NPAS3: variants seen among roughly 807,000 people sequenced by gnomAD.
NPAS3 encodes the protein neuronal PAS domain-containing protein 3.
Under a neutral mutation model 73.1 loss-of-function variants are expected in NPAS3, and 14 were observed. The ratio of observed to expected loss-of-function variants is 0.19; its 90% CI spans 0.13 to 0.30. NPAS3 has a LOEUF of 0.30. Ranked by LOEUF, NPAS3 falls within the 10% of genes least tolerant of loss-of-function variation. The probability of loss-of-function intolerance (pLI) is 1.00; values close to 1 mark genes in which losing one functional copy is unlikely to be tolerated. For missense variants in NPAS3, 1,096 were observed against 1,250.0 expected (o/e 0.88, Z 1.86); for synonymous variants, 620 against 541.5 (o/e 1.14, Z -2.01).
intron 4 of NPAS3, among the ~76,000 whole-genome samples, chr14:33,403,354 A>AT (rs1324751669): frequency 2.0e-5 from 3 of 152,024 alleles, no homozygotes; most frequent in Non-Finnish European, 2.9e-5. Flanking sequence ...CTTGTGGTAT[A>AT]TTTTTTTATA....
intron 5 of NPAS3, among the ~76,000 whole-genome samples, chr14:33,587,625 ACT>A: frequency 6.6e-6 from 1 of 152,178 alleles, no homozygotes; most frequent in Middle Eastern, 3.4e-3. Flanking sequence ...CATCAAAGAA[ACT>A]CTGGTTTATT....
chr14:33,674,424 CCAT>C, intron 5 of NPAS3, among the ~76,000 whole-genome samples: 1 of 152,332 alleles, frequency 6.6e-6, no homozygotes, highest in Non-Finnish European at 1.5e-5. Flanking sequence ...AACAAAATAA[CCAT>C]CATCAAGAAA....
chr14:33,168,776 T>C (rs1198201084), intron 2 of NPAS3, among the ~76,000 whole-genome samples: 2 of 152,204 alleles, frequency 1.3e-5, no homozygotes, highest in African/African-American at 4.8e-5. Context: ...GCCATTCACG[T>C]TGGCCTTCCT....
chr14:32,951,262 T>A (rs909367388), intron 1 of NPAS3, among the ~76,000 whole-genome samples: 3 of 152,148 alleles, frequency 2.0e-5, no homozygotes, highest in Non-Finnish European at 4.4e-5. Context: ...TATGTGGATA[T>A]ATAATATAAA....
intron 2 of NPAS3, among the ~76,000 whole-genome samples, chr14:33,189,869 A>C (rs903550660): frequency 6.6e-6 from 1 of 152,206 alleles, no homozygotes; most frequent in Non-Finnish European, 1.5e-5. Flanking sequence ...CAACTTTTTC[A>C]TTATCGATAC....
At chr14:33,039,838 C>T (rs2040293265) in intron 1 of NPAS3, among the ~76,000 whole-genome samples, 1 of 152,148 alleles carries the variant, frequency 6.6e-6, no homozygotes, top group Non-Finnish European at 1.5e-5. Context: ...GGAATCAGGC[C>T]TTTAAATTAA....
chr14:33,235,308 T>C (rs1238555300), intron 3 of NPAS3, among the ~76,000 whole-genome samples: 1 of 152,228 alleles, frequency 6.6e-6, no homozygotes, highest in Non-Finnish European at 1.5e-5. Flanking sequence ...ATAGTATAAA[T>C]GAGGAGTGAG....
intron 4 of NPAS3, among the ~76,000 whole-genome samples, chr14:33,453,904 G>A (rs907963240): frequency 5.3e-5 from 8 of 152,116 alleles, no homozygotes; most frequent in Non-Finnish European, 1.2e-4. Flanking sequence ...TAGCCAGGCC[G>A]GTCTCAAACT....
chr14:32,943,739 A>G (rs2036133316), intron 1 of NPAS3, among the ~76,000 whole-genome samples: 1 of 137,956 alleles, frequency 7.2e-6, no homozygotes, highest in Non-Finnish European at 1.5e-5. Flanking sequence ...TTGCCCAGGC[A>G]TGCTGGAGTG....
chr14:33,494,352 A>AT (rs996333307), intron 4 of NPAS3, among the ~76,000 whole-genome samples: 3 of 152,104 alleles, frequency 2.0e-5, no homozygotes, highest in East Asian at 3.9e-4. Flanking sequence ...CGCTGTGTCC[A>AT]TTTTTTTAAT....
intron 4 of NPAS3, among the ~76,000 whole-genome samples, chr14:33,414,789 G>C (rs888924944): frequency 2.0e-5 from 3 of 152,134 alleles, no homozygotes; most frequent in Non-Finnish European, 4.4e-5. Context: ...GGGTAGGGTG[G>C]TTTGATTCTG....
chr14:33,116,803 C>G (rs967069226), intron 2 of NPAS3, among the ~76,000 whole-genome samples: 1 of 151,610 alleles, frequency 6.6e-6, no homozygotes, highest in Non-Finnish European at 1.5e-5. Context: ...CACGCAACCA[C>G]TTCTGCTCAT....
At chr14:33,770,672 G>C (rs965974140) in intron 7 of NPAS3, among the ~76,000 whole-genome samples, 1 of 152,160 alleles carries the variant, frequency 6.6e-6, no homozygotes, top group Non-Finnish European at 1.5e-5. Context: ...GGCCGAGGTG[G>C]GCATATCAAT....
At chr14:33,426,822 C>G (rs1362395657) in intron 4 of NPAS3, among the ~76,000 whole-genome samples, 2 of 152,022 alleles carry the variant, frequency 1.3e-5, no homozygotes, top group Non-Finnish European at 2.9e-5. Flanking sequence ...CCTCCTCTCA[C>G]TTTATCATGG....
At chr14:33,075,523 C>G (rs538975768) in intron 2 of NPAS3, among the ~76,000 whole-genome samples, 1 of 152,276 alleles carries the variant, frequency 6.6e-6, no homozygotes, top group East Asian at 1.9e-4. Context: ...CAAAGCATAA[C>G]TAGTACTTGA....
Position 33,561,265 on chromosome 14 carries a change from C to A in NPAS3, c.558+1055C>A, listed in dbSNP as rs577501118. ...ATCCAGCAAGGCTGGACTCTTTTGG[C>A]TGTGAGTGAGTTTGCTGGGTAATAG... On this transcript the variant is annotated intron_variant, in intron 5 of 11. Transcript: ENST00000356141. Among the ~76,000 whole-genome samples, 17 of 152,318 alleles carry A rather than the reference C, an allele frequency of 1.1e-4. No individual in the cohort carries two copies. The South Asian group carries it at 3.1e-3, about 28-fold the overall frequency.
intron 3 of NPAS3, among the ~76,000 whole-genome samples, chr14:33,275,547 C>A (rs146232435): frequency 6.6e-5 from 10 of 152,174 alleles, no homozygotes; most frequent in Non-Finnish European, 8.8e-5. Flanking sequence ...GAGATTTTCA[C>A]ATGCATAGAT....
At chr14:33,473,169 C>A (rs562219604) in intron 4 of NPAS3, among the ~76,000 whole-genome samples, 1 of 152,268 alleles carries the variant, frequency 6.6e-6, no homozygotes, top group Admixed American at 6.5e-5. Context: ...CTGATGGAAA[C>A]TGGGAAATTG....
chr14:33,677,166 G>A (rs772862856), intron 6 of NPAS3, among the ~76,000 whole-genome samples: 4 of 152,186 alleles, frequency 2.6e-5, no homozygotes, highest in African/African-American at 4.8e-5. Flanking sequence ...TGGGTCTTCC[G>A]AGAGCGCTGG....
Sources: gnomAD v4.1 joint callset for allele counts (sites outside exome capture counted in the v4.1 genomes callset) on GRCh38, gnomAD v4.1.1 for gene constraint, MANE v1.5 for transcripts, NCBI Gene and HGNC (gene_info 2026-07-23, HGNC 2026-07-21) for gene names.